Variants in SLC9C1 observed in about 807,000 individuals in gnomAD.
The protein encoded by SLC9C1 is solute carrier family 9 member C1, also known as sodium/hydrogen exchanger 10.
Under a neutral mutation model 140.9 loss-of-function variants are expected in SLC9C1, and 97 were observed. The ratio of observed to expected loss-of-function variants is 0.69; its 90% CI spans 0.58 to 0.82. SLC9C1 has a LOEUF of 0.82. Among genes scored for constraint, SLC9C1 ranks in the 40% least tolerant of loss-of-function variants. SLC9C1 has a pLI of 0.00. For synonymous variants in SLC9C1, 440 were observed against 442.6 expected (o/e 0.99, Z 0.07); for missense variants, 1,340 against 1,389.3 (o/e 0.96, Z 0.56).
At chr3:112,279,025 A>G (rs572940922) in intron 3 of SLC9C1, 168 bp from the exon 4 acceptor site, 26 of 571,326 alleles carry the variant, frequency 4.6e-5, no homozygotes, top group Admixed American at 2.8e-4. Context: ...ATAATTGGCC[A>G]TGGCTTATGT....
chr3:112,230,404 G>T (rs949685865), intron 13 of SLC9C1, among the ~76,000 whole-genome samples: 4 of 152,132 alleles, frequency 2.6e-5, no homozygotes, highest in Non-Finnish European at 5.9e-5. Context: ...CTACCTCTGT[G>T]TTAACTTAGT....
intron 15 of SLC9C1, among the ~76,000 whole-genome samples, chr3:112,212,525 G>A (rs867077471): frequency 6.6e-6 from 1 of 152,150 alleles, no homozygotes; most frequent in African/African-American, 2.4e-5. Flanking sequence ...CCTGATGGAG[G>A]TGAAAACCAT....
intron 1 of SLC9C1, among the ~76,000 whole-genome samples, chr3:112,291,818 G>A (rs905815453): frequency 3.2e-4 from 48 of 152,260 alleles, no homozygotes; most frequent in Middle Eastern, 3.4e-3. Flanking sequence ...ATATGCATGC[G>A]TACATTCATT....
In SLC9C1 at chr3:112,186,611, AAATTT is replaced by A. The variant is rs59521165; in HGVS notation, c.2524-4358_2524-4354del. On this transcript the variant is annotated intron_variant, in intron 20 of 28. Coordinates refer to ENST00000305815, the MANE Select transcript of SLC9C1 (RefSeq NM_183061.3). ...AGTAGAAATTTCCAAGCTGCCTTTA[AAATTT>A]ATTTGAAAATACAAAATGTTAAAAT... Among the ~76,000 whole-genome samples, 295 of 152,356 alleles carry A rather than the reference AAATTT, an allele frequency of 1.9e-3. 1 individual carries two copies. In the East Asian group the frequency reaches 0.034, roughly 17 times the overall value.
At chr3:112,270,407 C>A (rs1206192635) in intron 6 of SLC9C1, among the ~76,000 whole-genome samples, 1 of 152,208 alleles carries the variant, frequency 6.6e-6, no homozygotes, top group African/African-American at 2.4e-5. Context: ...TAACACTTCT[C>A]TTTTATCTTT....
intron 23 of SLC9C1, 124 bp downstream of exon 23, chr3:112,179,404 TATA>T (rs2077397483): frequency 6.4e-6 from 7 of 1,093,632 alleles, no homozygotes; most frequent in Non-Finnish European, 8.8e-6. Context: ...TTTGTTCCTT[TATA>T]ATTCCTAGTT....
intron 26 of SLC9C1, among the ~76,000 whole-genome samples, chr3:112,162,106 T>C (rs2075317981): frequency 6.6e-6 from 1 of 152,174 alleles, no homozygotes; most frequent in African/African-American, 2.4e-5. Flanking sequence ...CTTGTGATTT[T>C]TGCACATTGA....
intron 12 of SLC9C1, among the ~76,000 whole-genome samples, chr3:112,236,871 T>C (rs936478160): frequency 5.9e-5 from 9 of 152,156 alleles, no homozygotes; most frequent in African/African-American, 2.2e-4. Flanking sequence ...TGCTGAGGAG[T>C]GCTTTACTTC....
intron 10 of SLC9C1, among the ~76,000 whole-genome samples, chr3:112,258,428 T>TGTTTTG (rs1559723982): frequency 2.0e-5 from 3 of 151,820 alleles, no homozygotes; most frequent in Non-Finnish European, 2.9e-5. Flanking sequence ...TTGTTTGGGT[T>TGTTTTG]TTTTTGTTTT....
Position 112,180,585 on chromosome 3 carries a change from G to C in SLC9C1, c.2727C>G (p.Ile909Met), listed in dbSNP as rs181619622. The change falls in exon 22 of 29, where the codon ATC becomes ATG. Residue 909 changes from isoleucine to methionine, a missense_variant. By Grantham distance (10) the Ile-to-Met change is conservative. Transcript: ENST00000305815. ...TTACCTTTACCATGCCTGAAATAAT[G>C]ATATAGATTCCTTTGGGCTCATCAC... ...EEGDEPKGIY[I>M]IISGMVKLEK... The C allele has an allele frequency of 6.2e-7, 1 of 1,610,090 alleles. No individual in the cohort carries two copies. The highest frequency in any genetic ancestry group is 1.3e-5 in the African/African-American group (1 of 74,734).
intron 20 of SLC9C1, chr3:112,185,394 G>A: frequency 2.4e-6 from 2 of 841,282 alleles, no homozygotes; most frequent in East Asian, 2.7e-5. Context: ...CGATGGGGAT[G>A]GGGAAGCTGA....
chr3:112,215,594 T>G (rs2078339308), intron 15 of SLC9C1, among the ~76,000 whole-genome samples: 2 of 152,156 alleles, frequency 1.3e-5, no homozygotes, highest in East Asian at 3.9e-4. Flanking sequence ...ATGAGTGAAC[T>G]CCCATTCACA....
intron 10 of SLC9C1, among the ~76,000 whole-genome samples, chr3:112,260,796 C>T (rs1343635950): frequency 1.3e-5 from 2 of 152,208 alleles, no homozygotes; most frequent in South Asian, 4.2e-4. Flanking sequence ...GCTGTGTGGC[C>T]TTTACAATAT....
intron 1 of SLC9C1, among the ~76,000 whole-genome samples, chr3:112,288,535 T>TC (rs1442942303): frequency 6.6e-6 from 1 of 152,152 alleles, no homozygotes; most frequent in African/African-American, 2.4e-5. Flanking sequence ...GATGGGAGGA[T>TC]CCCTTGAGGC....
chr3:112,212,320 T>A (rs1440805279), intron 15 of SLC9C1, among the ~76,000 whole-genome samples: 2 of 152,036 alleles, frequency 1.3e-5, no homozygotes, highest in African/African-American at 4.8e-5. Context: ...CAAAAGAACA[T>A]AGCTCCTCAC....
At chr3:112,187,130 A>C (rs1007668080) in intron 20 of SLC9C1, among the ~76,000 whole-genome samples, 1 of 152,194 alleles carries the variant, frequency 6.6e-6, no homozygotes, top group African/African-American at 2.4e-5. Context: ...GATTAAATTA[A>C]CATCTCCAGA....
intron 16 of SLC9C1, among the ~76,000 whole-genome samples, chr3:112,207,100 A>C (rs936906023): frequency 6.6e-6 from 1 of 152,196 alleles, no homozygotes; most frequent in Non-Finnish European, 1.5e-5. Context: ...ATCTATTCGA[A>C]GGGAGAAAAT....
Position 112,269,903 on chromosome 3 carries a change from G to T in SLC9C1, c.775+13C>A. On this transcript the variant is annotated intron_variant, in intron 7 of 28. Transcript: ENST00000305815. Reference sequence around the variant, plus strand: ...CTATGTGATTTTATTTTAGGCATAGGCCCCTCACTTACAAATATAAAAGAT... The same window carrying T: ...CTATGTGATTTTATTTTAGGCATAGTCCCCTCACTTACAAATATAAAAGAT... The T allele has an allele frequency of 6.7e-7, 1 of 1,483,242 alleles. No homozygotes were observed. Among genetic ancestry groups the T allele is most frequent in the Non-Finnish European group, 8.9e-7 (1 of 1,117,840 alleles). 91.9% of individuals were successfully genotyped at this position (1,483,242 alleles called of 1,614,324 possible). A position where few individuals can be genotyped will look rare whatever the true frequency, so the allele number is the denominator to read the frequency against.
intron 4 of SLC9C1, among the ~76,000 whole-genome samples, chr3:112,278,184 A>G (rs2080266052): frequency 6.6e-6 from 1 of 152,170 alleles, no homozygotes; most frequent in Non-Finnish European, 1.5e-5. Flanking sequence ...GCCTGTATTT[A>G]CAAAACTGTT....
Sources: gnomAD v4.1 joint callset for allele counts (sites outside exome capture counted in the v4.1 genomes callset) on GRCh38, gnomAD v4.1.1 for gene constraint, MANE v1.5 for transcripts, NCBI Gene and HGNC (gene_info 2026-07-23, HGNC 2026-07-21) for gene names.